The following STK32B variants were observed in gnomAD, a reference collection of about 807,000 sequenced individuals.
STK32B encodes the protein serine/threonine-protein kinase 32B.
In STK32B, 43 loss-of-function variants were observed where a neutral mutation model predicts 52.6. The observed-to-expected ratio is 0.82, with a 90% CI of 0.64 to 1.05. The LOEUF (loss-of-function observed/expected upper bound fraction) is 1.05. Ranked by LOEUF, STK32B falls within the 50% of genes least tolerant of loss-of-function variation. STK32B has a pLI of 0.00. For missense variants in STK32B, 621 were observed against 534.6 expected (o/e 1.16, Z -1.59); for synonymous variants, 238 against 204.3 (o/e 1.17, Z -1.41).
In STK32B at chr4:5,452,360, C is replaced by CT. The variant is rs537595178; in HGVS notation, c.667-4446dup. 1.9e-3 allele frequency among the ~76,000 whole-genome samples: 296 copies of CT among 152,110 alleles called. 1 individual carries two copies. Among genetic ancestry groups the CT allele is most frequent in the Non-Finnish European group, 3.4e-3 (233 of 68,008 alleles). ...GCTGGATGTACAAGGCGTGGGTGGG[C>CT]TGAACCTGGAGAAACAGGACCAGGT... On this transcript the variant is annotated intron_variant, in intron 7 of 11. Transcript: ENST00000282908.
chr4:5,159,516 GA>G (rs1718158882), intron 2 of STK32B, among the ~76,000 whole-genome samples: 1 of 140,192 alleles, frequency 7.1e-6, no homozygotes, highest in Non-Finnish European at 1.5e-5. Flanking sequence ...ATATATATAT[GA>G]ATATATGATA....
chr4:5,317,484 A>G (rs1731160781), intron 3 of STK32B, among the ~76,000 whole-genome samples: 2 of 56,110 alleles, frequency 3.6e-5, no homozygotes, highest in Non-Finnish European at 6.4e-5. Flanking sequence ...TATATATTAC[A>G]TATATATAAT....
chr4:5,402,068 C>G (rs1347051033), intron 5 of STK32B, among the ~76,000 whole-genome samples: 1 of 152,256 alleles, frequency 6.6e-6, no homozygotes, highest in Non-Finnish European at 1.5e-5. Flanking sequence ...GCATGGTCTG[C>G]TCATGGCCAT....
chr4:5,409,604 A>G (rs965262080), intron 5 of STK32B, among the ~76,000 whole-genome samples: 2 of 152,164 alleles, frequency 1.3e-5, no homozygotes, highest in African/African-American at 4.8e-5. Context: ...TCCATGCAGC[A>G]TCAGCTCAAA....
chr4:5,104,851 T>C (rs1714011570), intron 1 of STK32B, among the ~76,000 whole-genome samples: 1 of 152,252 alleles, frequency 6.6e-6, no homozygotes. Flanking sequence ...AGCTTTAGTT[T>C]GTTTATTTCC....
At chr4:5,063,418 C>T (rs1048639163) in intron 1 of STK32B, among the ~76,000 whole-genome samples, 2 of 152,172 alleles carry the variant, frequency 1.3e-5, no homozygotes. Flanking sequence ...TCTTGGCTCA[C>T]TGCAACCTCC....
At chr4:5,141,566 TC>T (rs1204655204) in intron 2 of STK32B, among the ~76,000 whole-genome samples, 2 of 152,056 alleles carry the variant, frequency 1.3e-5, no homozygotes, top group African/African-American at 4.8e-5. Context: ...TTGTAGAAGT[TC>T]ATAGAAGTTC....
At chr4:5,314,561 T>C (rs1446533040) in intron 3 of STK32B, among the ~76,000 whole-genome samples, 1 of 152,070 alleles carries the variant, frequency 6.6e-6, no homozygotes, top group Non-Finnish European at 1.5e-5. Context: ...TGCCAGCTAC[T>C]CGGGAGGCTG....
intron 4 of STK32B, among the ~76,000 whole-genome samples, chr4:5,383,192 T>G (rs1183077184): frequency 6.6e-6 from 1 of 152,062 alleles, no homozygotes; most frequent in Non-Finnish European, 1.5e-5. Context: ...GGGTGCGTAT[T>G]TTTCAGCTGA....
At chr4:5,159,740 A>AATATATATGAATAT (rs1277096804) in intron 2 of STK32B, among the ~76,000 whole-genome samples, 1 of 130,026 alleles carries the variant, frequency 7.7e-6, no homozygotes, top group South Asian at 2.2e-4. Flanking sequence ...TATATATATG[A>AATATATATGAATAT]ATATATGAAT....
At chr4:5,118,722 A>G (rs980766304) in intron 1 of STK32B, among the ~76,000 whole-genome samples, 2 of 152,144 alleles carry the variant, frequency 1.3e-5, no homozygotes, top group Non-Finnish European at 2.9e-5. Flanking sequence ...CAGAAGGTAA[A>G]TTCCACAGGG....
At chr4:5,319,507 T>C (rs2108935317) in intron 3 of STK32B, among the ~76,000 whole-genome samples, 1 of 152,274 alleles carries the variant, frequency 6.6e-6, no homozygotes, top group South Asian at 2.1e-4. Context: ...CTTCTTATCA[T>C]GACTTACAAA....
intron 3 of STK32B, among the ~76,000 whole-genome samples, chr4:5,260,786 A>C (rs1056012254): frequency 4.6e-5 from 7 of 152,134 alleles, no homozygotes; most frequent in African/African-American, 1.4e-4. Flanking sequence ...AGGTCTACTA[A>C]GGGGTGTCTA....
intron 3 of STK32B, among the ~76,000 whole-genome samples, chr4:5,307,785 G>T (rs750029517): frequency 6.6e-6 from 1 of 151,888 alleles, no homozygotes; most frequent in Non-Finnish European, 1.5e-5. Context: ...GGACTCAAGG[G>T]CTGCCATTCA....
intron 11 of STK32B, among the ~76,000 whole-genome samples, chr4:5,488,092 A>AT (rs1453526406): frequency 6.6e-6 from 1 of 152,198 alleles, no homozygotes; most frequent in Admixed American, 6.5e-5. Flanking sequence ...CTATTCTTAT[A>AT]TGGTCAGACC....
At chr4:5,301,713 C>G (rs1353977128) in intron 3 of STK32B, among the ~76,000 whole-genome samples, 1 of 125,850 alleles carries the variant, frequency 7.9e-6, no homozygotes, top group African/African-American at 3.2e-5. Context: ...ATTTTTGTCA[C>G]TTTTCCAAAG....
intron 3 of STK32B, among the ~76,000 whole-genome samples, chr4:5,172,144 T>C (rs1469530418): frequency 2.0e-5 from 3 of 152,138 alleles, no homozygotes; most frequent in African/African-American, 7.2e-5. Flanking sequence ...CTTGTGATTT[T>C]TGTACATTGA....
chr4:5,449,756 G>T (rs978696872), intron 7 of STK32B, among the ~76,000 whole-genome samples: 4 of 152,126 alleles, frequency 2.6e-5, no homozygotes, highest in Non-Finnish European at 5.9e-5. Context: ...TCTCATGGGA[G>T]TGCAAACCCT....
At chr4:5,239,634 G>A (rs931651609) in intron 3 of STK32B, among the ~76,000 whole-genome samples, 1 of 152,156 alleles carries the variant, frequency 6.6e-6, no homozygotes, top group African/African-American at 2.4e-5. Flanking sequence ...AGCCACAAGT[G>A]GTGTGCATTC....
Sources: allele counts gnomAD v4.1 joint callset (sites outside exome capture counted in the v4.1 genomes callset), GRCh38; gene constraint gnomAD v4.1.1; transcripts MANE v1.5; gene names NCBI Gene and HGNC (gene_info 2026-07-23, HGNC 2026-07-21).